The following KIAA0825 variants were observed in gnomAD, a reference collection of about 807,000 sequenced individuals.
The protein encoded by KIAA0825 is KIAA0825.
Under a neutral mutation model 147.6 loss-of-function variants are expected in KIAA0825, and 119 were observed. The ratio of observed to expected loss-of-function variants is 0.81; its 90% CI spans 0.69 to 0.94. KIAA0825 has a LOEUF of 0.94. KIAA0825 is among the 40% of genes least tolerant of loss of function. The probability of loss-of-function intolerance (pLI) is 0.00; values close to 1 mark genes in which losing one functional copy is unlikely to be tolerated. For missense variants in KIAA0825, 1,381 were observed against 1,472.7 expected (o/e 0.94, Z 1.02); for synonymous variants, 470 against 518.1 (o/e 0.91, Z 1.26).
At chr5:94,266,292 C>T (rs1776734479) in intron 20 of KIAA0825, among the ~76,000 whole-genome samples, 1 of 152,252 alleles carries the variant, frequency 6.6e-6, no homozygotes, top group African/African-American at 2.4e-5. Context: ...TTAACAGTTA[C>T]AATTTCTGTG....
chr5:94,266,529 G>C (rs537727918), intron 20 of KIAA0825, among the ~76,000 whole-genome samples: 1 of 152,136 alleles, frequency 6.6e-6, no homozygotes, highest in East Asian at 1.9e-4. Flanking sequence ...TGATCTGAAG[G>C]GGTAATAAAA....
At chr5:94,389,319 T>C (rs1032972271) in intron 18 of KIAA0825, among the ~76,000 whole-genome samples, 2 of 152,166 alleles carry the variant, frequency 1.3e-5, no homozygotes, top group Non-Finnish European at 1.5e-5. Context: ...CCCACTACCA[T>C]TGGACTCTCT....
In KIAA0825 at chr5:94,465,053, T is replaced by C. The variant is rs759087301; in HGVS notation, c.1879A>G (p.Arg627Gly). The change falls in exon 11 of 21, where the codon AGA becomes GGA. Residue 627 changes from arginine to glycine, a missense_variant. Transcript: ENST00000682413. ...DDYKAFYEGE[R>G]CSFSIQMWHY... ...CACATCTGGATCGAGAAGGAACATCTTTCCCCCTGGCAAAGCCAGCACACG... is the reference window on the plus strand; with the variant it reads ...CACATCTGGATCGAGAAGGAACATCCTTCCCCCTGGCAAAGCCAGCACACG... 6.4e-7 allele frequency: 1 copy of C among 1,551,154 alleles called. No individual in the cohort carries two copies. The highest frequency in any genetic ancestry group is 8.7e-7 in the Non-Finnish European group (1 of 1,146,652).
At chr5:94,595,378 C>A in intron 1 of KIAA0825, among the ~76,000 whole-genome samples, 1 of 152,190 alleles carries the variant, frequency 6.6e-6, no homozygotes, top group East Asian at 1.9e-4. Context: ...GGAATTGCAC[C>A]CTCTGAAGCA....
intron 20 of KIAA0825, among the ~76,000 whole-genome samples, chr5:94,180,296 G>C (rs1769490328): frequency 6.6e-6 from 1 of 151,806 alleles, no homozygotes; most frequent in Admixed American, 6.6e-5. Flanking sequence ...CAAAATTGAG[G>C]CACATTCTAC....
At chr5:94,266,908 A>G (rs6556845) in intron 20 of KIAA0825, among the ~76,000 whole-genome samples, 130,842 of 152,180 alleles carry the variant, frequency 0.86, 56,367 homozygotes, top group East Asian at 0.9. Context: ...TTTTAAGAAT[A>G]TATAAGAGTC....
intron 1 of KIAA0825, among the ~76,000 whole-genome samples, chr5:94,595,130 A>C (rs1260679239): frequency 1.3e-5 from 2 of 152,146 alleles, no homozygotes; most frequent in East Asian, 1.9e-4. Flanking sequence ...CTCTTCTCAC[A>C]GTTCCACTAG....
intron 20 of KIAA0825, among the ~76,000 whole-genome samples, chr5:94,252,161 C>T (rs893612034): frequency 6.6e-6 from 1 of 151,960 alleles, no homozygotes; most frequent in Non-Finnish European, 1.5e-5. Context: ...ACTTTCACTA[C>T]ACTCTTAGCA....
Position 94,488,813 on chromosome 5 carries a change from T to C in KIAA0825, c.971-3883A>G, listed in dbSNP as rs144783739. Among the ~76,000 whole-genome samples the C allele has an allele frequency of 2.2e-3, 341 of 152,352 alleles. 2 individuals are homozygous for C. The highest frequency in any genetic ancestry group is 5.8e-3 in the South Asian group (28 of 4,830). On this transcript the variant is annotated intron_variant, in intron 5 of 20. Coordinates refer to ENST00000682413, the MANE Select transcript of KIAA0825 (RefSeq NM_001145678.3). Reference sequence around the variant, plus strand: ...GGAAATACTACATACTGAATTCTTCTTAAAGTAATTCACAAGGCTAATTAG... The same window carrying C: ...GGAAATACTACATACTGAATTCTTCCTAAAGTAATTCACAAGGCTAATTAG...
intron 1 of KIAA0825, among the ~76,000 whole-genome samples, chr5:94,587,282 A>G (rs1392354424): frequency 6.6e-6 from 1 of 152,208 alleles, no homozygotes; most frequent in Non-Finnish European, 1.5e-5. Context: ...ATGATTGTAT[A>G]CTTAGAAAAC....
At chr5:94,546,216 T>C (rs557058781) in intron 2 of KIAA0825, among the ~76,000 whole-genome samples, 1 of 152,132 alleles carries the variant, frequency 6.6e-6, no homozygotes, top group African/African-American at 2.4e-5. Context: ...GAACACCAGA[T>C]AGATTTCTAA....
chr5:94,547,825 A>C (rs1584853865), intron 2 of KIAA0825, among the ~76,000 whole-genome samples: 1 of 152,036 alleles, frequency 6.6e-6, no homozygotes, highest in South Asian at 2.1e-4. Context: ...AGACTTTGAA[A>C]CCTTACAAGC....
intron 20 of KIAA0825, among the ~76,000 whole-genome samples, chr5:94,205,709 G>T: frequency 6.6e-6 from 1 of 151,940 alleles, no homozygotes; most frequent in East Asian, 1.9e-4. Flanking sequence ...TTTATATTTC[G>T]GATCATATTT....
At chr5:94,481,441 T>C (rs893914728) in intron 6 of KIAA0825, among the ~76,000 whole-genome samples, 8 of 152,130 alleles carry the variant, frequency 5.3e-5, no homozygotes, top group Non-Finnish European at 7.4e-5. Context: ...ACTACAAGTC[T>C]TTCTTTTCTT....
chr5:94,496,151 C>A (rs1764325669), intron 5 of KIAA0825, among the ~76,000 whole-genome samples: 1 of 152,098 alleles, frequency 6.6e-6, no homozygotes, highest in Non-Finnish European at 1.5e-5. Flanking sequence ...GCAAATCTGG[C>A]CCAGAGCCTA....
At chr5:94,237,544 C>T (rs1775117833) in intron 20 of KIAA0825, among the ~76,000 whole-genome samples, 1 of 152,186 alleles carries the variant, frequency 6.6e-6, no homozygotes, top group Non-Finnish European at 1.5e-5. Flanking sequence ...CCACTTTCCT[C>T]TAAACACCCC....
At chr5:94,547,210 G>A (rs1050077690) in intron 2 of KIAA0825, among the ~76,000 whole-genome samples, 6 of 151,968 alleles carry the variant, frequency 3.9e-5, no homozygotes, top group Non-Finnish European at 8.8e-5. Context: ...AAGCAGGCCA[G>A]AAGATCTAGA....
chr5:94,205,268 C>CATATATATATATATATAT lies in KIAA0825; in HGVS notation c.3711-51162_3711-51145dup, dbSNP rs5869623. On this transcript the variant is annotated intron_variant, in intron 20 of 20. Transcript: ENST00000682413. ...ACTATGATTTCTGTGACTATTTAATCATATATATATATATATATATATATA... is the reference window on the plus strand; with the variant it reads ...ACTATGATTTCTGTGACTATTTAATCATATATATATATATATATATATATATATATATATATATATATA... Among the ~76,000 whole-genome samples, 787 of 89,954 alleles carry CATATATATATATATATAT rather than the reference C, an allele frequency of 8.7e-3. 9 individuals are homozygous for CATATATATATATATATAT. Among genetic ancestry groups the CATATATATATATATATAT allele is most frequent in the Non-Finnish European group, 0.011 (486 of 45,280 alleles). The allele number at this position is 89,954 out of a possible 152,430, so 59.0% of individuals were successfully genotyped here. A position where few individuals can be genotyped will look rare whatever the true frequency, so the allele number is the denominator to read the frequency against.
At chr5:94,490,053 T>G (rs746721859) in intron 5 of KIAA0825, among the ~76,000 whole-genome samples, 4 of 152,158 alleles carry the variant, frequency 2.6e-5, no homozygotes, top group Admixed American at 6.5e-5. Context: ...TCTAAGAATA[T>G]AGCCTACATA....
Sources: allele counts gnomAD v4.1 joint callset (sites outside exome capture counted in the v4.1 genomes callset), GRCh38; gene constraint gnomAD v4.1.1; transcripts MANE v1.5; gene names NCBI Gene and HGNC (gene_info 2026-07-23, HGNC 2026-07-21).